CREBBP: variants seen among roughly 807,000 people sequenced by gnomAD.
The protein encoded by CREBBP is CREB-binding protein.
CREBBP carries 19 observed loss-of-function variants against 265.0 expected under a neutral mutation model. The observed-to-expected ratio is 0.07, with a 90% CI of 0.05 to 0.11. The LOEUF is 0.11. CREBBP is among the 10% of genes least tolerant of loss of function. The probability of loss-of-function intolerance (pLI) is 1.00; values close to 1 mark genes in which losing one functional copy is unlikely to be tolerated. For missense variants in CREBBP, 2,525 were observed against 3,219.0 expected (o/e 0.78, Z 5.22); for synonymous variants, 1,457 against 1,223.7 (o/e 1.19, Z -3.98).
chr16:3,815,898 C>T (rs1369610212), intron 2 of CREBBP, among the ~76,000 whole-genome samples: 1 of 150,840 alleles, frequency 6.6e-6, no homozygotes, highest in Non-Finnish European at 1.5e-5. Flanking sequence ...CTTATTCATT[C>T]TTTTTTTTTG....
At chr16:3,789,056 G>A (rs961551435) in intron 5 of CREBBP, among the ~76,000 whole-genome samples, 1 of 152,232 alleles carries the variant, frequency 6.6e-6, no homozygotes, top group Non-Finnish European at 1.5e-5. Context: ...AGGTGATTCT[G>A]GAAGGTTCTC....
At position 3,773,949 on chromosome 16, in the gene CREBBP, C is replaced by A. The variant is rs767718250; in HGVS notation, c.2284-19G>T. 7 of 1,611,984 alleles carry A rather than the reference C, an allele frequency of 4.3e-6. No homozygotes were observed. The highest frequency in any genetic ancestry group is 1.3e-5 in the African/African-American group (1 of 74,848). ...TGGCCATCTACGAGACAACAAGCAC[C>A]ACCAGAGCTGTAGTTCGGAAGCTGA... On this transcript the variant is annotated intron_variant, in intron 12 of 30. Transcript: ENST00000262367.
In CREBBP at chr16:3,726,351, G is replaced by A. The variant is rs914451578; in HGVS notation, c.*1367C>T. On this transcript the variant is annotated 3_prime_UTR_variant, in exon 31 of 31. Transcript: ENST00000262367. ...CAAATGCAGTTTCAGACCAACTGAC[G>A]ACCCTAACTGTGTGAGCGACAATCA... The A allele has an allele frequency of 7.7e-5, 18 of 233,098 alleles. No individual in the cohort carries two copies. The highest frequency in any genetic ancestry group is 1.2e-3 in the Middle Eastern group (1 of 808). 14.4% of individuals were successfully genotyped at this position (233,098 alleles called of 1,614,324 possible). A position where few individuals can be genotyped will look rare whatever the true frequency, so the allele number is the denominator to read the frequency against.
At chr16:3,849,149 G>C (rs1297883153) in intron 2 of CREBBP, among the ~76,000 whole-genome samples, 1 of 152,146 alleles carries the variant, frequency 6.6e-6, no homozygotes, top group Admixed American at 6.5e-5. Flanking sequence ...GGTGGCTGCT[G>C]TTGAGAAGCC....
intron 2 of CREBBP, among the ~76,000 whole-genome samples, chr16:3,849,423 GTGTGTGTGTGTGTGTGTGTGTGTGTGT>G (rs2054746902): frequency 9.1e-3 from 90 of 9,854 alleles, no homozygotes; most frequent in South Asian, 0.064. Context: ...GTGTGTGTGT[GTGTGTGTGTGTGTGTGTGTGTGTGTGT>G]GTGTGTGTGT....
intron 2 of CREBBP, among the ~76,000 whole-genome samples, chr16:3,823,572 A>G (rs2054180612): frequency 6.6e-6 from 1 of 152,210 alleles, no homozygotes; most frequent in Admixed American, 6.5e-5. Context: ...GGACACAAAA[A>G]GCCAGGCGTG....
chr16:3,775,115 G>C (rs932078099), intron 11 of CREBBP, among the ~76,000 whole-genome samples: 2 of 152,190 alleles, frequency 1.3e-5, no homozygotes, highest in African/African-American at 4.8e-5. Flanking sequence ...ACCAGGGCAA[G>C]CTTCTGTGCA....
intron 2 of CREBBP, among the ~76,000 whole-genome samples, chr16:3,826,078 T>C (rs1037806647): frequency 6.6e-6 from 1 of 152,138 alleles, no homozygotes; most frequent in African/African-American, 2.4e-5. Context: ...CCGGGTGCAG[T>C]GGCATGAGCC....
chr16:3,747,467 C>T (rs951768376), intron 21 of CREBBP, among the ~76,000 whole-genome samples: 2 of 152,140 alleles, frequency 1.3e-5, no homozygotes, highest in Non-Finnish European at 2.9e-5. Flanking sequence ...GGAAACCAGG[C>T]GCAACTGTGG....
chr16:3,825,012 G>A (rs1165723590), intron 2 of CREBBP, among the ~76,000 whole-genome samples: 3 of 152,172 alleles, frequency 2.0e-5, no homozygotes, highest in Non-Finnish European at 4.4e-5. Flanking sequence ...CAATCTTGAG[G>A]TGGCTCTAAG....
intron 3 of CREBBP, among the ~76,000 whole-genome samples, chr16:3,805,657 GACAA>G (rs1322460987): frequency 1.3e-5 from 2 of 152,134 alleles, no homozygotes; most frequent in African/African-American, 2.4e-5. Context: ...ATGAAAATAT[GACAA>G]ACAAGGTTGG....
chr16:3,853,182 G>T (rs560937169), intron 1 of CREBBP, among the ~76,000 whole-genome samples: 1 of 152,278 alleles, frequency 6.6e-6, no homozygotes, highest in South Asian at 2.1e-4. Flanking sequence ...TAACGCTGTT[G>T]TGAGGACCAA....
intron 2 of CREBBP, among the ~76,000 whole-genome samples, chr16:3,849,437 GTGTGTGTGTGT>G (rs2054759249): frequency 0.015 from 240 of 16,470 alleles, 11 homozygotes; most frequent in East Asian, 0.064. Context: ...GTGTGTGTGT[GTGTGTGTGTGT>G]GTGTGTGTGT....
intron 13 of CREBBP, among the ~76,000 whole-genome samples, chr16:3,772,617 T>G (rs532542157): frequency 6.6e-6 from 1 of 152,164 alleles, no homozygotes; most frequent in Non-Finnish European, 1.5e-5. Context: ...CAAGATTGAA[T>G]GGCCTGCAAA....
At chr16:3,815,132 C>G (rs1161321834) in intron 2 of CREBBP, among the ~76,000 whole-genome samples, 2 of 152,190 alleles carry the variant, frequency 1.3e-5, no homozygotes, top group Admixed American at 6.5e-5. Flanking sequence ...TGTGGTCCCC[C>G]ACCCTAGGCT....
chr16:3,756,970 A>G (rs978498971), intron 19 of CREBBP, among the ~76,000 whole-genome samples: 3 of 152,220 alleles, frequency 2.0e-5, no homozygotes, highest in Non-Finnish European at 2.9e-5. Flanking sequence ...AGTACGCTTT[A>G]TAACTAACTA....
At chr16:3,736,890 G>C (rs2151330614) in intron 26 of CREBBP, 75 bp from the exon 27 acceptor site, 2 of 1,568,284 alleles carry the variant, frequency 1.3e-6, no homozygotes, top group Non-Finnish European at 1.7e-6. Context: ...TTATAGCAGA[G>C]GAGCAAGGAC....
At chr16:3,785,851 A>G (rs2053374210) in intron 5 of CREBBP, among the ~76,000 whole-genome samples, 1 of 152,160 alleles carries the variant, frequency 6.6e-6, no homozygotes, top group Non-Finnish European at 1.5e-5. Flanking sequence ...GCACTAACAC[A>G]GTGGCTGGGT....
chr16:3,799,142 A>G (rs375594389), intron 3 of CREBBP, among the ~76,000 whole-genome samples: 41 of 152,184 alleles, frequency 2.7e-4, no homozygotes, highest in African/African-American at 9.7e-4. Context: ...GGGTAGAAAG[A>G]CTAGCGGTTG....
Sources: gnomAD v4.1 joint callset for allele counts (sites outside exome capture counted in the v4.1 genomes callset) on GRCh38, gnomAD v4.1.1 for gene constraint, MANE v1.5 for transcripts, NCBI Gene and HGNC (gene_info 2026-07-23, HGNC 2026-07-21) for gene names.